The following ZNF180 variants were observed in gnomAD, a reference collection of about 807,000 sequenced individuals.
ZNF180 encodes the protein zinc finger protein 180.
Under a neutral mutation model 11.8 loss-of-function variants are expected in ZNF180, and 11 were observed. That is an observed-to-expected ratio of 0.93 (90% confidence interval 0.59 to 1.55). ZNF180 has a LOEUF of 1.55. Ranked by LOEUF, ZNF180 falls within the 40% of genes most tolerant of loss-of-function variation. The pLI, the probability that ZNF180 is intolerant of heterozygous loss-of-function variation, is 0.00. For synonymous variants in ZNF180, 287 were observed against 257.7 expected, an observed-to-expected ratio of 1.11 and a Z score of -1.09; for missense variants, 773 against 781.7, an observed-to-expected ratio of 0.99 and a Z score of 0.13.
intron 2 of ZNF180, among the ~76,000 whole-genome samples, chr19:44,486,289 G>A (rs1294809513): frequency 6.6e-6 from 1 of 152,170 alleles, no homozygotes; most frequent in African/African-American, 2.4e-5. Context: ...ATTAAAAGGA[G>A]TTATTCTTTG....
At chr19:44,489,103 G>A (rs907681277) in intron 2 of ZNF180, among the ~76,000 whole-genome samples, 2 of 127,554 alleles carry the variant, frequency 1.6e-5, no homozygotes, top group African/African-American at 5.5e-5. Flanking sequence ...GGAGGGAGGT[G>A]GGGGGGCCAG....
chr19:44,493,588 C>T (rs776901617), intron 2 of ZNF180, among the ~76,000 whole-genome samples: 1 of 152,234 alleles, frequency 6.6e-6, no homozygotes, highest in Admixed American at 6.5e-5. Context: ...AAGACCCTTA[C>T]TACCTAGTAT....
rs893988978 is a variant in ZNF180, at chr19:44,475,258, A to C, written c.*1144T>G. 5.9e-5 allele frequency: 9 copies of C among 152,252 alleles called. No homozygotes were observed. Among genetic ancestry groups the C allele is most frequent in the African/African-American group, 2.2e-4 (9 of 41,448 alleles). 9.4% of individuals were successfully genotyped at this position (152,252 alleles called of 1,614,324 possible). A position where few individuals can be genotyped will look rare whatever the true frequency, so the allele number is the denominator to read the frequency against. On this transcript the variant is annotated 3_prime_UTR_variant, in exon 5 of 5. Transcript: ENST00000592529. ...TAGACGGTCAGCACTGAGCCAGGGAAGCACCCTTCTATTCAGAGGACTCTC... is the reference window on the plus strand; with the variant it reads ...TAGACGGTCAGCACTGAGCCAGGGACGCACCCTTCTATTCAGAGGACTCTC...
At chr19:44,479,234 G>A in intron 4 of ZNF180, 49 bp downstream of exon 4, 1 of 1,593,664 alleles carries the variant, frequency 6.3e-7, no homozygotes, top group Non-Finnish European at 8.5e-7. Context: ...ATCAGAATGT[G>A]AAATCATTTC....
rs1969811716 is a variant in ZNF180, at chr19:44,474,618, C to T, written c.*1784G>A. The stretch of plus-strand genomic sequence containing the variant: ...TTCAGCATCTGTTTTTCTCATATCC[C>T]CTTTGTGCTTCTTAAAGATGGTTAA... On this transcript the variant is annotated 3_prime_UTR_variant, in exon 5 of 5. Transcript: ENST00000592529. The T allele has an allele frequency of 6.6e-6, 1 of 152,040 alleles. No homozygotes were observed. Among genetic ancestry groups the T allele is most frequent in the African/African-American group, 2.4e-5 (1 of 41,372 alleles). The allele number at this position is 152,040 out of a possible 1,614,324, so 9.4% of individuals were successfully genotyped here. A position where few individuals can be genotyped will look rare whatever the true frequency, so the allele number is the denominator to read the frequency against.
At position 44,474,992 on chromosome 19, in the gene ZNF180, C is replaced by T. The variant is rs1969823313; in HGVS notation, c.*1410G>A. The T allele has an allele frequency of 6.6e-6, 1 of 152,178 alleles. No homozygotes were observed. The highest frequency in any genetic ancestry group is 2.4e-5 in the African/African-American group (1 of 41,440). 9.4% of individuals were successfully genotyped at this position (152,178 alleles called of 1,614,324 possible). ...AGGGATAGAATTTTGCTAAGGATAA[C>T]CCCATCAGTTACCCTTTAAGTTTTC... On this transcript the variant is annotated 3_prime_UTR_variant, in exon 5 of 5. Coordinates refer to ENST00000592529, the MANE Select transcript of ZNF180 (RefSeq NM_001278509.3).
chr19:44,499,008 A>T (rs1970663015), intron 1 of ZNF180, among the ~76,000 whole-genome samples: 3 of 152,050 alleles, frequency 2.0e-5, no homozygotes, highest in Admixed American at 2.0e-4. Flanking sequence ...AACAATCTAC[A>T]TCCCTCACCC....
rs750526215 is a variant in ZNF180, at chr19:44,477,167, T to C, written c.1233A>G (p.Glu411=). Residue 411 remains glutamate, a synonymous_variant, in exon 5 of 5, where the codon GAA becomes GAG. Transcript: ENST00000592529. ...QRTHTGEKPY[E]CNQCGKSFRQ... ...TGAATGACTTTCCACACTGATTGCA[T>C]TCATAAGGCTTCTCCCCAGTATGAG... is the stretch of plus-strand genomic sequence containing the variant. 2 of 1,613,302 alleles carry C rather than the reference T, an allele frequency of 1.2e-6. No homozygotes were observed. The highest frequency in any genetic ancestry group is 2.2e-5 in the South Asian group (2 of 91,052).
intron 2 of ZNF180, among the ~76,000 whole-genome samples, chr19:44,487,128 G>C (rs1334777498): frequency 2.6e-5 from 4 of 152,184 alleles, no homozygotes; most frequent in Non-Finnish European, 5.9e-5. Flanking sequence ...GGCAAAGATG[G>C]GAGGATCACT....
chr19:44,477,829 G>A lies in ZNF180; in HGVS notation c.571C>T (p.His191Tyr), dbSNP rs774253862. The change falls in exon 5 of 5, where the codon CAT becomes TAT. Residue 191 changes from histidine (H) to tyrosine (Y), a missense_variant. Physicochemically the swap from His to Tyr is moderately conservative, Grantham distance 83. Transcript: ENST00000592529. Reference sequence around the variant, plus strand: ...TTTTTAGCATGTGATACATGTTTATGAAAATGGTTTCTTATGGGTATAACT... The same window carrying A: ...TTTTTAGCATGTGATACATGTTTATAAAAATGGTTTCTTATGGGTATAACT... The part of the protein sequence containing the change: ...SPVIPIRNHF[H>Y]KHVSHAKKWH... 44 of 1,613,824 alleles carry A rather than the reference G, an allele frequency of 2.7e-5. No homozygotes were observed. Among genetic ancestry groups the A allele is most frequent in the Non-Finnish European group, 3.6e-5 (42 of 1,179,978 alleles).
chr19:44,496,779 T>C (rs1204648231), intron 2 of ZNF180: 1 of 152,124 alleles, frequency 6.6e-6, no homozygotes, highest in Non-Finnish European at 1.5e-5. Context: ...ATTGCTATAT[T>C]TATAGTCTTC....
chr19:44,498,172 T>C (rs1236192628), intron 1 of ZNF180, among the ~76,000 whole-genome samples: 2 of 152,140 alleles, frequency 1.3e-5, no homozygotes, highest in Non-Finnish European at 2.9e-5. Flanking sequence ...CAACAAGGCC[T>C]GCATAGGGCT....
rs1336120253 is a variant in ZNF180, at chr19:44,495,590, C to A, written c.51+1694G>T. Among the ~76,000 whole-genome samples, 3 of 152,140 alleles carry A rather than the reference C, an allele frequency of 2.0e-5. No individual in the cohort carries two copies. The East Asian group carries it at 5.8e-4, about 29-fold the overall frequency. ...ACCCCATCTACCATGGACACCTGCT[C>A]ACTGCACTTGGGCTCCAACTACCCA... On this transcript the variant is annotated intron_variant, in intron 2 of 4. Transcript: ENST00000592529. This position sits in a 1 kb window ranked among gnomAD's most constrained non-coding sequence, Gnocchi z 4.5.
At chr19:44,489,722 C>A in intron 2 of ZNF180, among the ~76,000 whole-genome samples, 3 of 116,856 alleles carry the variant, frequency 2.6e-5, no homozygotes, top group South Asian at 2.8e-4. Flanking sequence ...GAGAAACACC[C>A]AAGAATGATC....
rs560790202 is a variant in ZNF180, at chr19:44,477,116, A to C, written c.1284T>G (p.His428Gln). ...GCTTCTCTCCGGTATGTGTTCTTTG[A>C]TGTGCAATAAGTTTATAGCTCTGCC... is the stretch of plus-strand genomic sequence containing the variant. The part of the protein sequence containing the change: ...SFRQSYKLIA[H>Q]QRTHTGEKPY... The change falls in exon 5 of 5, where the codon CAT (histidine) becomes CAG (glutamine). Residue 428 changes from histidine (H) to glutamine (Q), a missense_variant. Physicochemically the swap from His to Gln is conservative, Grantham distance 24 (BLOSUM62 0). Transcript: ENST00000592529. 6.2e-7 allele frequency: 1 copy of C among 1,614,054 alleles called. No homozygotes were observed. The highest frequency in any genetic ancestry group is 1.1e-5 in the South Asian group (1 of 91,074).
chr19:44,484,467 A>G (rs1406883278), intron 2 of ZNF180, 32 bp from the exon 3 acceptor site: 20 of 1,539,742 alleles, frequency 1.3e-5, no homozygotes, highest in Non-Finnish European at 1.7e-5. Context: ...GAAAAAGGAA[A>G]ATAATCAGGG....
At chr19:44,484,600 T>C (rs921304832) in intron 2 of ZNF180, 165 bp from the exon 3 acceptor site, 13 of 630,254 alleles carry the variant, frequency 2.1e-5, no homozygotes, top group Non-Finnish European at 2.3e-5. Context: ...CCGCTAACCA[T>C]GTGGAGAGAG....
chr19:44,486,459 G>C (rs866368281), intron 2 of ZNF180, among the ~76,000 whole-genome samples: 59 of 152,232 alleles, frequency 3.9e-4, no homozygotes, highest in African/African-American at 1.4e-3. Context: ...AGTGTCCTCA[G>C]GTTTTTTCCT....
At chr19:44,488,464 G>A (rs576111532) in intron 2 of ZNF180, among the ~76,000 whole-genome samples, 60 of 152,192 alleles carry the variant, frequency 3.9e-4, no homozygotes, top group African/African-American at 1.3e-3. Context: ...ACGGGGTTTC[G>A]CTGTGTTGGC....
Sources: gnomAD v4.1 joint callset for allele counts (sites outside exome capture counted in the v4.1 genomes callset) on GRCh38, gnomAD v4.1.1 for gene constraint, Gnocchi (gnomAD v3.1) non-coding constraint, MANE v1.5 for transcripts, NCBI Gene and HGNC (gene_info 2026-07-23, HGNC 2026-07-21) for gene names.